The following STARD13 variants were observed in gnomAD, a reference collection of about 807,000 sequenced individuals.
The protein encoded by STARD13 is stAR-related lipid transfer protein 13.
Under a neutral mutation model 106.4 loss-of-function variants are expected in STARD13, and 62 were observed. That is an observed-to-expected ratio of 0.58 (90% CI 0.48 to 0.72). The LOEUF is 0.72. Ranked by LOEUF, STARD13 falls within the 30% of genes least tolerant of loss-of-function variation. The probability of loss-of-function intolerance (pLI) is 0.00; values close to 1 mark genes in which losing one functional copy is unlikely to be tolerated. For synonymous variants in STARD13, 565 were observed against 553.0 expected (o/e 1.02, Z -0.31); for missense variants, 1,387 against 1,424.0 (o/e 0.97, Z 0.42).
chr13:33,461,501 G>A, the STARD13 span, among the ~76,000 whole-genome samples: 2 of 152,128 alleles, frequency 1.3e-5, no homozygotes. Flanking sequence ...CCTCAGTGGG[G>A]ACTCAGGTTT....
At chr13:33,666,621 C>A in the STARD13 span, among the ~76,000 whole-genome samples, 67 of 152,074 alleles carry the variant, frequency 4.4e-4, no homozygotes, top group African/African-American at 1.6e-3. Flanking sequence ...CAGAGTCACG[C>A]TCTGTCACCC....
chr13:33,282,546 C>A (rs923926049), intron 1 of STARD13, among the ~76,000 whole-genome samples: 1 of 152,150 alleles, frequency 6.6e-6, no homozygotes, highest in African/African-American at 2.4e-5. Context: ...CTGTTCCCAA[C>A]AACCATGAGA....
At chr13:33,106,247 C>G (rs2138048585) in intron 13 of STARD13, among the ~76,000 whole-genome samples, 1 of 152,244 alleles carries the variant, frequency 6.6e-6, no homozygotes, top group South Asian at 2.1e-4. Flanking sequence ...TGGCGAGGCC[C>G]TGTCTCTACA....
the STARD13 span, among the ~76,000 whole-genome samples, chr13:33,516,851 G>A: frequency 6.6e-6 from 1 of 151,066 alleles, no homozygotes; most frequent in Non-Finnish European, 1.5e-5. Context: ...TGAGGAGCAA[G>A]GATCACTTGA....
At chr13:33,189,425 TCCTC>T in intron 1 of STARD13, among the ~76,000 whole-genome samples, 1 of 30,282 alleles carries the variant, frequency 3.3e-5, no homozygotes, top group Admixed American at 2.8e-4. Flanking sequence ...TTTCCCTCCT[TCCTC>T]CTTTCGGAGG....
exon 1 of STARD13, chr13:33,350,468 C>T: frequency 1.3e-6 from 2 of 1,497,054 alleles, no homozygotes; most frequent in South Asian, 2.5e-5. Context: ...TCCCGCGTGG[C>T]CCGCGACTCA....
At chr13:33,513,223 T>A in the STARD13 span, among the ~76,000 whole-genome samples, 1 of 152,176 alleles carries the variant, frequency 6.6e-6, no homozygotes, top group Non-Finnish European at 1.5e-5. Context: ...CTTGTCTTTC[T>A]CCTTTGAGAA....
chr13:33,126,520 A>T (rs1284733268), intron 6 of STARD13, among the ~76,000 whole-genome samples: 1 of 152,216 alleles, frequency 6.6e-6, no homozygotes, highest in African/African-American at 2.4e-5. Flanking sequence ...TTTAACTGTG[A>T]TAGACTTATT....
chr13:33,442,533 G>GATATGTATATCAAATATGTAT, the STARD13 span, among the ~76,000 whole-genome samples: 43 of 152,298 alleles, frequency 2.8e-4, no homozygotes, highest in African/African-American at 9.1e-4. Flanking sequence ...GTTTGAATTT[G>GATATGTATATCAAATATGTAT]ATGAATATAT....
chr13:33,282,218 T>C (rs2321170), intron 1 of STARD13, among the ~76,000 whole-genome samples: 149,382 of 152,188 alleles, frequency 0.98, 73,385 homozygotes, highest in East Asian at 1. Flanking sequence ...GTATGACTTA[T>C]GATAAACTTT....
the STARD13 span, among the ~76,000 whole-genome samples, chr13:33,567,389 A>G: frequency 6.7e-6 from 1 of 148,570 alleles, no homozygotes; most frequent in Non-Finnish European, 1.5e-5. Context: ...CAACTAAAAC[A>G]GTAACAAGGT....
rs549837525 is a variant in STARD13 at position 33,122,820 on chromosome 13, C to T, written c.2082+3261G>A. Among the ~76,000 whole-genome samples the T allele has an allele frequency of 1.2e-3, 179 of 152,010 alleles. No homozygotes were observed. In the Middle Eastern group the frequency reaches 0.024, roughly 20 times the overall value. On this transcript the variant is annotated intron_variant, in intron 7 of 13. Transcript: ENST00000336934. ...CTGTAATCCCAGCACTTAGGGAGGC[C>T]GAGGCGGGTGGATCACCTGAGGTCA... is the stretch of plus-strand genomic sequence containing the variant.
At chr13:33,209,459 C>CTCTTT (rs566293356) in intron 1 of STARD13, among the ~76,000 whole-genome samples, 4 of 149,022 alleles carry the variant, frequency 2.7e-5, no homozygotes, top group Non-Finnish European at 5.9e-5. Context: ...CTCTCTCTCT[C>CTCTTT]TTTTTTTTTT....
the STARD13 span, among the ~76,000 whole-genome samples, chr13:33,538,201 C>A: frequency 6.6e-6 from 1 of 152,140 alleles, no homozygotes; most frequent in Admixed American, 6.5e-5. Flanking sequence ...CTTGAGAGGG[C>A]AAGATCCCGA....
intron 4 of STARD13, among the ~76,000 whole-genome samples, chr13:33,136,903 C>T (rs1032053565): frequency 1.3e-5 from 2 of 152,238 alleles, no homozygotes; most frequent in African/African-American, 4.8e-5. Flanking sequence ...CAAGAAGCAG[C>T]AGCAGGGCTG....
At chr13:33,623,031 G>A in the STARD13 span, among the ~76,000 whole-genome samples, 4 of 151,958 alleles carry the variant, frequency 2.6e-5, no homozygotes, top group East Asian at 1.9e-4. Context: ...CCTGGGAGGC[G>A]GAGGTTGCAG....
chr13:33,631,928 A>T, the STARD13 span, among the ~76,000 whole-genome samples: 1 of 152,198 alleles, frequency 6.6e-6, no homozygotes, highest in Non-Finnish European at 1.5e-5. Context: ...ACTAAATTTG[A>T]AATAAGAAGA....
chr13:33,203,134 A>G (rs1887165567), intron 1 of STARD13, among the ~76,000 whole-genome samples: 1 of 152,196 alleles, frequency 6.6e-6, no homozygotes, highest in Non-Finnish European at 1.5e-5. Context: ...GCGGAAGAGC[A>G]CAGTTGAATG....
chr13:33,341,428 G>A (rs991607997), intron 1 of STARD13, among the ~76,000 whole-genome samples: 1 of 151,976 alleles, frequency 6.6e-6, no homozygotes, highest in African/African-American at 2.4e-5. Flanking sequence ...CACAAGGTCA[G>A]GATATCAAGA....
Sources: gnomAD v4.1 joint callset for allele counts (sites outside exome capture counted in the v4.1 genomes callset) on GRCh38, gnomAD v4.1.1 for gene constraint, MANE v1.5 for transcripts, NCBI Gene and HGNC (gene_info 2026-07-23, HGNC 2026-07-21) for gene names.